PLK4: variants seen among roughly 807,000 people sequenced by gnomAD.
PLK4 encodes the protein serine/threonine-protein kinase PLK4.
In PLK4, 51 loss-of-function variants were observed where a neutral mutation model predicts 103.0. The observed-to-expected ratio is 0.50, with a 90% confidence interval of 0.40 to 0.63. The LOEUF is 0.63. Ranked by LOEUF, PLK4 falls within the 20% of genes least tolerant of loss-of-function variation. The pLI, the probability that PLK4 is intolerant of heterozygous loss-of-function variation, is 0.00. For missense variants in PLK4, 1,054 were observed against 1,151.0 expected, an observed-to-expected ratio of 0.92 and a Z score of 1.22; for synonymous variants, 389 against 376.8, an observed-to-expected ratio of 1.03 and a Z score of -0.38.
intron 6 of PLK4, among the ~76,000 whole-genome samples, chr4:127,889,483 T>A (rs1244967940): frequency 6.6e-6 from 1 of 152,168 alleles, no homozygotes; most frequent in African/African-American, 2.4e-5. Flanking sequence ...TAAGTTTATA[T>A]ATTTTTCTCA....
intron 2 of PLK4, 142 bp from the exon 3 acceptor site, chr4:127,883,120 G>T: frequency 1.8e-6 from 1 of 558,936 alleles, no homozygotes; most frequent in East Asian, 2.9e-5. Flanking sequence ...CTAGGTGCAT[G>T]GGGAAAACAG....
chr4:127,889,452 CAGTT>C (rs1735266857), intron 6 of PLK4, among the ~76,000 whole-genome samples: 1 of 152,088 alleles, frequency 6.6e-6, no homozygotes, highest in African/African-American at 2.4e-5. Flanking sequence ...ATGGGCTAGA[CAGTT>C]CTTAGCTTAA....
rs761271378 is a variant in PLK4, at chr4:127,886,742, T to A, written c.1358+14T>A. 3.3e-6 allele frequency: 5 copies of A among 1,538,434 alleles called. No individual in the cohort carries two copies. The Admixed American group carries it at 1.0e-4, about 31-fold the overall frequency. On this transcript the variant is annotated intron_variant, in intron 5 of 15. Coordinates refer to ENST00000270861, the MANE Select transcript of PLK4 (RefSeq NM_014264.5). ...CAATCAAGCACTGTAAGAATAATTC[T>A]ATCAGAGGCATTTTGTTTTTTGGTA...
chr4:127,895,717 G>A (rs764272103), intron 14 of PLK4, among the ~76,000 whole-genome samples: 15 of 151,790 alleles, frequency 9.9e-5, no homozygotes, highest in Non-Finnish European at 1.9e-4. Flanking sequence ...CACTGCCCCC[G>A]GCCAGTAGAG....
intron 2 of PLK4, 28 bp downstream of exon 2, chr4:127,881,954 C>T (rs751591869): frequency 2.5e-6 from 3 of 1,219,890 alleles, no homozygotes; most frequent in Admixed American, 1.7e-5. Context: ...AACTTCTCTC[C>T]TGTACTTTGC....
chr4:127,894,239 T>C (rs1302716803), intron 13 of PLK4, among the ~76,000 whole-genome samples: 1 of 152,140 alleles, frequency 6.6e-6, no homozygotes, highest in African/African-American at 2.4e-5. Flanking sequence ...TATGTAGTTT[T>C]TTTTTTTGTT....
In PLK4 at chr4:127,895,058, T is replaced by C. The variant is rs1448259713; in HGVS notation, c.2668T>C (p.Ser890Pro). 1 of 1,612,466 alleles carries C rather than the reference T, an allele frequency of 6.2e-7. No individual in the cohort carries two copies. The highest frequency in any genetic ancestry group is 8.5e-7 in the Non-Finnish European group (1 of 1,179,318). ...CLPKSAQLLKSVFVKNVGWAT... is the reference protein window; with the variant it reads ...CLPKSAQLLKPVFVKNVGWAT... ...TCCTAAATCAGCACAACTTTTGAAA[T>C]CTGTTTTTGTGAAAAATGTTGGTTG... The change falls in exon 14 of 16, where the codon TCT becomes CCT. Residue 890 changes from serine (S) to proline (P), a missense_variant. By Grantham distance (74) the Ser-to-Pro change is moderately conservative. Transcript: ENST00000270861.
At position 127,887,893 on chromosome 4, in the gene PLK4, G is replaced by A. The variant is rs1353041712; in HGVS notation, c.1459+397G>A. On this transcript the variant is annotated intron_variant, in intron 6 of 15. Coordinates refer to ENST00000270861, the MANE Select transcript of PLK4 (RefSeq NM_014264.5). ...TGTCAAAAAAAAAAAAAAAAAAAAA[G>A]CATTGGCCAGGCGTGGTGGCTCATG... Among the ~76,000 whole-genome samples, 326 of 112,784 alleles carry A rather than the reference G, an allele frequency of 2.9e-3. 2 individuals carry two copies. Among genetic ancestry groups the A allele is most frequent in the African/African-American group, 8.6e-3 (265 of 30,888 alleles). The allele number at this position is 112,784 out of a possible 152,430, so 74.0% of individuals were successfully genotyped here. A position where few individuals can be genotyped will look rare whatever the true frequency, so the allele number is the denominator to read the frequency against.
chr4:127,888,776 AT>A (rs991748784), intron 6 of PLK4, among the ~76,000 whole-genome samples: 12 of 152,200 alleles, frequency 7.9e-5, no homozygotes, highest in Non-Finnish European at 1.8e-4. Flanking sequence ...GGAGGAGATC[AT>A]TTTTTACTAA....
intron 7 of PLK4, 85 bp downstream of exon 7, chr4:127,890,321 A>C: frequency 9.1e-7 from 1 of 1,098,060 alleles, no homozygotes; most frequent in Non-Finnish European, 1.3e-6. Context: ...GTCCTCTGTA[A>C]TGTCCTTTTA....
intron 15 of PLK4, among the ~76,000 whole-genome samples, chr4:127,897,842 T>TTTTTTC (rs1358956682): frequency 2.9e-5 from 3 of 102,826 alleles, no homozygotes; most frequent in African/African-American, 1.1e-4. Flanking sequence ...TTTTTTTTTT[T>TTTTTTC]TTTTTTTTTT....
chr4:127,889,586 GT>G, intron 6 of PLK4, among the ~76,000 whole-genome samples: 1 of 152,132 alleles, frequency 6.6e-6, no homozygotes. Flanking sequence ...ATAGTGACTA[GT>G]TTTTGCCTTA....
chr4:127,883,048 G>A (rs1277402963), intron 2 of PLK4, among the ~76,000 whole-genome samples: 1 of 152,014 alleles, frequency 6.6e-6, no homozygotes, highest in Admixed American at 6.5e-5. Flanking sequence ...TTTAAATTGA[G>A]ATAGGATATT....
intron 15 of PLK4, among the ~76,000 whole-genome samples, chr4:127,897,265 T>C (rs1211531447): frequency 6.6e-6 from 1 of 152,192 alleles, no homozygotes; most frequent in Non-Finnish European, 1.5e-5. Flanking sequence ...AAGAAATCTT[T>C]AAGATATAAC....
At position 127,887,479 on chromosome 4, in the gene PLK4, G is replaced by T. The variant is rs1409755064; in HGVS notation, c.1442G>T (p.Gly481Val). The change falls in exon 6 of 16, where the codon GGG becomes GTG. Residue 481 changes from glycine to valine, a missense_variant. This residue lies in a region of PLK4 where 680 missense variants were observed against 660.3 expected (regional missense o/e 1.03). Coordinates refer to ENST00000270861, the MANE Select transcript of PLK4 (RefSeq NM_014264.5). ...PQTETVQQWF[G>V]NLQINAHLRK... ...ACTGAAACCGTACAACAGTGGTTTG[G>T]GAATCTGCAAATAAATGGTGAGTTT... 1.9e-6 allele frequency: 3 copies of T among 1,598,122 alleles called. No homozygotes were observed. The highest frequency in any genetic ancestry group is 1.7e-5 in the Admixed American group (1 of 59,614).
chr4:127,888,874 T>TTTTTAATGTATATTATTCTCAGAAGC (rs1421980909), intron 6 of PLK4, among the ~76,000 whole-genome samples: 4 of 152,224 alleles, frequency 2.6e-5, no homozygotes, highest in Non-Finnish European at 5.9e-5. Context: ...CTATTCTCTT[T>TTTTTAATGTATATTATTCTCAGAAGC]TTTTAATGTA....
At chr4:127,891,957 G>A (rs553546975) in intron 9 of PLK4, 56 of 229,578 alleles carry the variant, frequency 2.4e-4, no homozygotes, top group African/African-American at 1.2e-3. Flanking sequence ...TGTTTAGAAT[G>A]TGGCTATAGT....
In PLK4 at chr4:127,887,471, G is replaced by A. The variant is rs1289216612; in HGVS notation, c.1434G>A (p.Gln478=). Residue 478 remains glutamine, a synonymous_variant, in exon 6 of 16, where the codon CAG becomes CAA. Transcript: ENST00000270861. The part of the protein sequence containing the change: ...DPTPQTETVQ[Q]WFGNLQINAH... ...CACCTCAGACTGAAACCGTACAACA[G>A]TGGTTTGGGAATCTGCAAATAAATG... 11 of 1,606,308 alleles carry A rather than the reference G, an allele frequency of 6.8e-6. No homozygotes were observed. The highest frequency in any genetic ancestry group is 1.7e-5 in the Admixed American group (1 of 59,804).
At position 127,885,873 on chromosome 4, in the gene PLK4, A is replaced by G. The variant is rs112679778; in HGVS notation, c.503A>G (p.His168Arg). The change falls in exon 5 of 16, where the codon CAC becomes CGC. Residue 168 changes from histidine (H) to arginine (R), a missense_variant. Physicochemically the swap from His to Arg is conservative, Grantham distance 29. Coordinates refer to ENST00000270861, the MANE Select transcript of PLK4 (RefSeq NM_014264.5). Reference protein sequence around the residue: ...ATQLKMPHEKHYTLCGTPNYI... With the variant: ...ATQLKMPHEKRYTLCGTPNYI... ...CAACTGAAAATGCCACATGAAAAGCACTATACATTATGTGGAACTCCTAAC... is the reference window on the plus strand; with the variant it reads ...CAACTGAAAATGCCACATGAAAAGCGCTATACATTATGTGGAACTCCTAAC... 1 of 1,614,160 alleles carries G rather than the reference A, an allele frequency of 6.2e-7. No individual in the cohort carries two copies. The highest frequency in any genetic ancestry group is 8.5e-7 in the Non-Finnish European group (1 of 1,180,014).
Sources: gnomAD v4.1 joint callset for allele counts (sites outside exome capture counted in the v4.1 genomes callset) on GRCh38, gnomAD v4.1.1 for gene constraint, gnomAD v4.1.1 regional missense constraint, MANE v1.5 for transcripts, NCBI Gene and HGNC (gene_info 2026-07-23, HGNC 2026-07-21) for gene names.